Variants in XKR4 observed in about 807,000 individuals in gnomAD.
The protein encoded by XKR4 is XK-related protein 4.
XKR4 carries 12 observed loss-of-function variants against 53.9 expected under a neutral mutation model. The observed-to-expected ratio is 0.22, with a 90% CI of 0.14 to 0.36. The LOEUF is 0.36. Among genes scored for constraint, XKR4 ranks in the 10% least tolerant of loss-of-function variants. XKR4 has a pLI of 1.00. For synonymous variants in XKR4, 354 were observed against 362.4 expected, an observed-to-expected ratio of 0.98 and a Z score of 0.26; for missense variants, 799 against 859.5, an observed-to-expected ratio of 0.93 and a Z score of 0.88.
chr8:55,289,589 A>G (rs868815423), intron 1 of XKR4, among the ~76,000 whole-genome samples: 17 of 73,002 alleles, frequency 2.3e-4, no homozygotes, highest in African/African-American at 7.7e-4. Context: ...GGAAGAAAGA[A>G]AGAGAAAGAA....
chr8:55,211,657 G>A lies in XKR4; in HGVS notation c.806+108363G>A, dbSNP rs147206382. ...AGAATTTGTGCTTCCTTTTTCACTC[G>A]GGTAAAATAAAGCCATTTAGAGTTA... On this transcript the variant is annotated intron_variant, in intron 1 of 2. Coordinates refer to ENST00000327381, the MANE Select transcript of XKR4 (RefSeq NM_052898.2). Among the ~76,000 whole-genome samples, 425 of 152,194 alleles carry A rather than the reference G, an allele frequency of 2.8e-3. 3 individuals are homozygous for A. The highest frequency in any genetic ancestry group is 9.6e-3 in the African/African-American group (398 of 41,526).
At chr8:55,199,581 G>A (rs1405653397) in intron 1 of XKR4, among the ~76,000 whole-genome samples, 1 of 152,172 alleles carries the variant, frequency 6.6e-6, no homozygotes, top group African/African-American at 2.4e-5. Flanking sequence ...TTAACCACCT[G>A]CGCAGAGTTT....
At chr8:55,425,780 TCATACCTC>T (rs1805003704) in intron 2 of XKR4, among the ~76,000 whole-genome samples, 2 of 152,212 alleles carry the variant, frequency 1.3e-5, no homozygotes, top group Non-Finnish European at 2.9e-5. Context: ...GGTGTGGGCC[TCATACCTC>T]TCAGCTGATC....
At chr8:55,430,122 A>T (rs1295524022) in intron 2 of XKR4, among the ~76,000 whole-genome samples, 2 of 152,200 alleles carry the variant, frequency 1.3e-5, no homozygotes, top group Non-Finnish European at 2.9e-5. Flanking sequence ...TGGTTAAAAT[A>T]AAAAATAGAG....
chr8:55,477,333 G>A (rs1806009296), intron 2 of XKR4, among the ~76,000 whole-genome samples: 1 of 152,128 alleles, frequency 6.6e-6, no homozygotes, highest in South Asian at 2.1e-4. Context: ...CAACAGACCT[G>A]CAGCTGAGGG....
intron 1 of XKR4, among the ~76,000 whole-genome samples, chr8:55,316,950 G>A (rs1389436166): frequency 1.3e-5 from 2 of 152,132 alleles, no homozygotes; most frequent in Non-Finnish European, 2.9e-5. Flanking sequence ...GGATGTTAAA[G>A]GGACTTTTAA....
chr8:55,289,396 T>C lies in XKR4; in HGVS notation c.807-68282T>C, dbSNP rs113208486. 2.2e-3 allele frequency among the ~76,000 whole-genome samples: 340 copies of C among 151,278 alleles called. 1 individual carries two copies. The highest frequency in any genetic ancestry group is 7.8e-3 in the African/African-American group (319 of 41,148). On this transcript the variant is annotated intron_variant, in intron 1 of 2. Coordinates refer to ENST00000327381, the MANE Select transcript of XKR4 (RefSeq NM_052898.2). ...TGGTCGTGGTGGTGGGTTCCTGTAA[T>C]CCTAGCTACTTGGGAGGCTGAGGCA... is the stretch of plus-strand genomic sequence containing the variant.
chr8:55,304,302 C>T (rs1174790976), intron 1 of XKR4, among the ~76,000 whole-genome samples: 3 of 152,084 alleles, frequency 2.0e-5, no homozygotes, highest in Non-Finnish European at 4.4e-5. Context: ...TGTAGTTGAG[C>T]GGTTTTGAGT....
At chr8:55,337,083 G>A (rs770481316) in intron 1 of XKR4, among the ~76,000 whole-genome samples, 3 of 152,034 alleles carry the variant, frequency 2.0e-5, no homozygotes, top group Non-Finnish European at 2.9e-5. Context: ...GTTACATCCT[G>A]GCCAGCCTTT....
In XKR4 at chr8:55,132,658, G is replaced by A. The variant is rs75264723; in HGVS notation, c.806+29364G>A. ...TTATTAACCTCTGCACTAGAATCCC[G>A]TGTCAGAAATTGAGCTCGTCAGACC... is the stretch of plus-strand genomic sequence containing the variant. On this transcript the variant is annotated intron_variant, in intron 1 of 2. Transcript: ENST00000327381. Among the ~76,000 whole-genome samples, 936 of 152,190 alleles carry A rather than the reference G, an allele frequency of 6.2e-3. 9 individuals carry two copies. The highest frequency in any genetic ancestry group is 0.022 in the African/African-American group (898 of 41,528).
At chr8:55,141,241 G>C (rs937077737) in intron 1 of XKR4, among the ~76,000 whole-genome samples, 3 of 152,120 alleles carry the variant, frequency 2.0e-5, no homozygotes, top group Non-Finnish European at 2.9e-5. Flanking sequence ...TAGCAGCCTG[G>C]CTGTCGCAGG....
chr8:55,186,983 T>C (rs2129360527), intron 1 of XKR4, among the ~76,000 whole-genome samples: 1 of 152,262 alleles, frequency 6.6e-6, no homozygotes, highest in South Asian at 2.1e-4. Context: ...TTGCGCTATT[T>C]TTTTTTTCTG....
chr8:55,502,052 G>A (rs1476013022), intron 2 of XKR4, among the ~76,000 whole-genome samples: 1 of 152,058 alleles, frequency 6.6e-6, no homozygotes, highest in Non-Finnish European at 1.5e-5. Flanking sequence ...TATTGTTTAG[G>A]GGATAATGAC....
chr8:55,122,713 C>T (rs1585889993), intron 1 of XKR4, among the ~76,000 whole-genome samples: 1 of 152,078 alleles, frequency 6.6e-6, no homozygotes, highest in Non-Finnish European at 1.5e-5. Context: ...ACTGGACAAA[C>T]GTGAGATGCA....
At chr8:55,503,581 G>C (rs1425419968) in intron 2 of XKR4, among the ~76,000 whole-genome samples, 1 of 151,950 alleles carries the variant, frequency 6.6e-6, no homozygotes, top group Admixed American at 6.6e-5. Flanking sequence ...TTGCAATATT[G>C]ACTTATTAGT....
intron 2 of XKR4, among the ~76,000 whole-genome samples, chr8:55,520,384 G>A (rs1219150613): frequency 6.6e-6 from 1 of 152,196 alleles, no homozygotes; most frequent in East Asian, 1.9e-4. Context: ...CAAGGAGTTC[G>A]AGACCAGCCT....
intron 1 of XKR4, among the ~76,000 whole-genome samples, chr8:55,203,673 C>T (rs576425077): frequency 1.3e-5 from 2 of 152,280 alleles, no homozygotes; most frequent in East Asian, 3.9e-4. Context: ...CCAGGCCATA[C>T]TCAGACAAGT....
Position 55,446,829 on chromosome 8 carries a change from C to T in XKR4, c.1007-76452C>T, listed in dbSNP as rs146810651. On this transcript the variant is annotated intron_variant, in intron 2 of 2. Coordinates refer to ENST00000327381, the MANE Select transcript of XKR4 (RefSeq NM_052898.2). ...TTCCTGCAGTTATCCAAGGAAATAG[C>T]CACTTAGGTCAATGGACGTTTGCAG... 3.3e-3 allele frequency among the ~76,000 whole-genome samples: 509 copies of T among 152,238 alleles called. 5 individuals are homozygous for T. Among genetic ancestry groups the T allele is most frequent in the African/African-American group, 0.012 (480 of 41,534 alleles).
chr8:55,143,089 C>T (rs73596969), intron 1 of XKR4, among the ~76,000 whole-genome samples: 1,827 of 152,224 alleles, frequency 0.012, 35 homozygotes, highest in African/African-American at 0.038. Flanking sequence ...TCCTGTTGTA[C>T]GTTGTTATGG....
Sources: gnomAD v4.1 joint callset for allele counts (sites outside exome capture counted in the v4.1 genomes callset) on GRCh38, gnomAD v4.1.1 for gene constraint, MANE v1.5 for transcripts, NCBI Gene and HGNC (gene_info 2026-07-23, HGNC 2026-07-21) for gene names.